The following ICOS variants were observed in gnomAD, a reference collection of about 807,000 sequenced individuals.
ICOS encodes inducible T-cell costimulator.
ICOS carries 15 observed loss-of-function variants against 24.6 expected under a neutral mutation model. That is an observed-to-expected ratio of 0.61 (90% confidence interval 0.41 to 0.94). The LOEUF is 0.94. Among genes scored for constraint, ICOS ranks in the 40% least tolerant of loss-of-function variants. ICOS has a pLI of 0.00. For missense variants in ICOS, 200 were observed against 233.0 expected (o/e 0.86, Z 0.92); for synonymous variants, 89 against 77.5 (o/e 1.15, Z -0.78).
In ICOS at chr2:203,936,802, G is replaced by C. The variant is rs749672384; in HGVS notation, c.-13G>C. On this transcript the variant is annotated 5_prime_UTR_variant, in exon 1 of 5. Transcript: ENST00000316386. ...ACACTGAACGCGAGGACTGTTAACTGTTTCTGGCAAACATGAAGTCAGGCC... is the reference window on the plus strand; with the variant it reads ...ACACTGAACGCGAGGACTGTTAACTCTTTCTGGCAAACATGAAGTCAGGCC... 1 of 1,611,284 alleles carries C rather than the reference G, an allele frequency of 6.2e-7. No homozygotes were observed. Among genetic ancestry groups the C allele is most frequent in the Non-Finnish European group, 8.5e-7 (1 of 1,177,548 alleles).
In ICOS at chr2:203,955,939, T is replaced by A. The variant is rs996840094; in HGVS notation, c.362T>A (p.Val121Glu). The A allele has an allele frequency of 3.1e-6, 5 of 1,611,932 alleles. No homozygotes were observed. In the South Asian group the frequency reaches 5.5e-5, roughly 18 times the overall value. ...ATTTTTGATCCTCCTCCTTTTAAAG[T>A]AACTCTTACAGGAGGATATTTGCAT... is the stretch of plus-strand genomic sequence containing the variant. ...LSIFDPPPFK[V>E]TLTGGYLHIY... Residue 121 changes from valine (V) to glutamate (E), a missense_variant, in exon 2 of 5, where the codon GTA (valine) becomes GAA (glutamate). Physicochemically the swap from Val to Glu is moderately radical, Grantham distance 121. Transcript: ENST00000316386.
intron 1 of ICOS, among the ~76,000 whole-genome samples, chr2:203,948,411 A>G (rs1438046125): frequency 2.0e-5 from 3 of 152,204 alleles, no homozygotes; most frequent in Non-Finnish European, 4.4e-5. Flanking sequence ...TCATTTCTAG[A>G]AGCCCTTTTG....
chr2:203,940,140 A>C (rs1689737330), intron 1 of ICOS, among the ~76,000 whole-genome samples: 1 of 152,172 alleles, frequency 6.6e-6, no homozygotes, highest in Non-Finnish European at 1.5e-5. Context: ...TTGTATGAAA[A>C]TAATGAAAAT....
At position 203,936,847 on chromosome 2, in the gene ICOS, CT is replaced by C; in HGVS notation, c.34del (p.Cys12AlafsTer7). On this transcript the variant is annotated frameshift_variant, in exon 1 of 5. Transcript: ENST00000316386. LOFTEE classifies it high-confidence loss of function. ...CAGGCCTCTGGTATTTCTTTCTCTT[CT>C]GCTTGCGCATTAAAGTTTTAACAGG... ...KSGLWYFFLF[C>X]LRIKVLTGEI... 1 of 1,612,330 alleles carries C rather than the reference CT, an allele frequency of 6.2e-7. No individual in the cohort carries two copies. Among genetic ancestry groups the C allele is most frequent in the Non-Finnish European group, 8.5e-7 (1 of 1,178,816 alleles).
At chr2:203,957,659 A>G in intron 3 of ICOS, 140 bp from the exon 4 acceptor site, 1 of 700,226 alleles carries the variant, frequency 1.4e-6, no homozygotes, top group Non-Finnish European at 2.6e-6. Flanking sequence ...TTGTTTTTCT[A>G]CTTAGCCTAA....
intron 1 of ICOS, among the ~76,000 whole-genome samples, chr2:203,947,354 G>A (rs1213690031): frequency 1.3e-5 from 2 of 151,986 alleles, no homozygotes; most frequent in African/African-American, 2.4e-5. Context: ...CTGTTGCCAG[G>A]CTGGAGTGCA....
At chr2:203,948,893 G>A (rs951460451) in intron 1 of ICOS, among the ~76,000 whole-genome samples, 3 of 152,214 alleles carry the variant, frequency 2.0e-5, no homozygotes, top group Admixed American at 2.0e-4. Flanking sequence ...ACAGAAAGAA[G>A]GGCAGTGTGA....
At chr2:203,950,214 G>C (rs1257251510) in intron 1 of ICOS, among the ~76,000 whole-genome samples, 1 of 152,226 alleles carries the variant, frequency 6.6e-6, no homozygotes, top group Admixed American at 6.5e-5. Context: ...CTAGGTCTAG[G>C]CTGAGGCCTA....
At chr2:203,940,869 C>T (rs1689755422) in intron 1 of ICOS, among the ~76,000 whole-genome samples, 2 of 152,090 alleles carry the variant, frequency 1.3e-5, no homozygotes, top group African/African-American at 2.4e-5. Context: ...CTGCAACCTC[C>T]ACCTCCCGGG....
chr2:203,951,544 T>C (rs1209177754), intron 1 of ICOS, among the ~76,000 whole-genome samples: 1 of 152,180 alleles, frequency 6.6e-6, no homozygotes, highest in African/African-American at 2.4e-5. Context: ...GCAATGCACT[T>C]CCACCACACT....
At chr2:203,959,443 GGTGTGTGTGTGAGTGTGTGTGTGT>G in intron 4 of ICOS, 119 bp from the exon 5 acceptor site, 1 of 726,320 alleles carries the variant, frequency 1.4e-6, no homozygotes, top group Non-Finnish European at 2.5e-6. Flanking sequence ...GAGTTTGCAT[GGTGTGTGTGTGAGTGTGTGTGTGT>G]GTGTGTGTGT....
At chr2:203,941,016 C>T (rs1355646692) in intron 1 of ICOS, among the ~76,000 whole-genome samples, 1 of 152,198 alleles carries the variant, frequency 6.6e-6, no homozygotes, top group Non-Finnish European at 1.5e-5. Context: ...AATTTCCTGA[C>T]CTCGTGATCC....
intron 1 of ICOS, among the ~76,000 whole-genome samples, chr2:203,946,476 C>T (rs1689871433): frequency 7.3e-6 from 1 of 137,546 alleles, no homozygotes. Context: ...TTGGGTTTAT[C>T]TTGTCTATCC....
chr2:203,948,710 A>T (rs1689915904), intron 1 of ICOS, among the ~76,000 whole-genome samples: 1 of 152,378 alleles, frequency 6.6e-6, no homozygotes, highest in African/African-American at 2.4e-5. Context: ...CAGTTAATGT[A>T]CTAGATAATG....
intron 1 of ICOS, among the ~76,000 whole-genome samples, chr2:203,939,750 A>T (rs1297438940): frequency 6.6e-6 from 1 of 152,160 alleles, no homozygotes; most frequent in Non-Finnish European, 1.5e-5. Context: ...GTCTGAGAGA[A>T]GTCTGTGAAG....
At chr2:203,945,533 A>G (rs1282766195) in intron 1 of ICOS, among the ~76,000 whole-genome samples, 1 of 152,166 alleles carries the variant, frequency 6.6e-6, no homozygotes, top group Non-Finnish European at 1.5e-5. Flanking sequence ...GTACTGACGC[A>G]ATGATGTCTA....
intron 1 of ICOS, among the ~76,000 whole-genome samples, chr2:203,954,684 A>T (rs1690046763): frequency 6.7e-6 from 1 of 149,228 alleles, no homozygotes; most frequent in African/African-American, 2.4e-5. Flanking sequence ...TTCTCAGTGG[A>T]TGAGGTTTGG....
At chr2:203,957,679 C>T (rs748884600) in intron 3 of ICOS, 120 bp from the exon 4 acceptor site, 28 of 768,016 alleles carry the variant, frequency 3.6e-5, no homozygotes, top group Non-Finnish European at 6.3e-5. Flanking sequence ...AAGCCAGGAA[C>T]CTAAGTCACA....
chr2:203,946,352 T>TTG (rs201105825), intron 1 of ICOS, among the ~76,000 whole-genome samples: 2,699 of 152,140 alleles, frequency 0.018, 39 homozygotes, highest in Non-Finnish European at 0.028. Flanking sequence ...AATGCACACA[T>TTG]TGTGTGTGTG....
Sources: gnomAD v4.1 joint callset for allele counts (sites outside exome capture counted in the v4.1 genomes callset) on GRCh38, gnomAD v4.1.1 for gene constraint, MANE v1.5 for transcripts, NCBI Gene and HGNC (gene_info 2026-07-23, HGNC 2026-07-21) for gene names.